The following MFHAS1 variants were observed in gnomAD, a reference collection of about 807,000 sequenced individuals.
The protein encoded by MFHAS1 is malignant fibrous histiocytoma-amplified sequence 1.
MFHAS1 carries 50 observed loss-of-function variants against 70.4 expected under a neutral mutation model. The observed-to-expected ratio is 0.71, with a 90% confidence interval of 0.57 to 0.90. The LOEUF (loss-of-function observed/expected upper bound fraction) is 0.90. Ranked by LOEUF, MFHAS1 falls within the 40% of genes least tolerant of loss-of-function variation. The probability of loss-of-function intolerance (pLI) is 0.00; values close to 1 mark genes in which losing one functional copy is unlikely to be tolerated. For missense variants in MFHAS1, 1,795 were observed against 1,347.6 expected (o/e 1.33, Z -5.20); for synonymous variants, 952 against 620.0 (o/e 1.54, Z -7.96).
Position 8,856,411 on chromosome 8 carries a change from A to G in MFHAS1, c.2998+33650T>C, listed in dbSNP as rs1808441105. On this transcript the variant is annotated intron_variant, in intron 1 of 2. Coordinates refer to ENST00000276282, the MANE Select transcript of MFHAS1 (RefSeq NM_004225.3). ...CAAGATCAAACAAAGTAGGACGCAG[A>G]AAAGAAAAGAAGCAAGGGAGGTAAG... Among the ~76,000 whole-genome samples, 3 of 152,230 alleles carry G rather than the reference A, an allele frequency of 2.0e-5. 1 individual carries two copies. Among genetic ancestry groups the G allele is most frequent in the South Asian group, 4.1e-4 (2 of 4,830 alleles).
In MFHAS1 at chr8:8,890,460, C is replaced by A. The variant is rs754591498; in HGVS notation, c.2599G>T (p.Gly867Trp). The change falls in exon 1 of 3, where the codon GGG (glycine) becomes TGG (tryptophan). Residue 867 changes from glycine (G) to tryptophan (W), a missense_variant. Transcript: ENST00000276282. ...AAAGACTGCCCAGCTAGGTTGGTCCCATTAATCCAGGCTTCTGCATGGGGC... is the reference window on the plus strand; with the variant it reads ...AAAGACTGCCCAGCTAGGTTGGTCCAATTAATCCAGGCTTCTGCATGGGGC... ...EVPHAEAWIN[G>W]TNLAGQSFVA... 3 of 1,613,808 alleles carry A rather than the reference C, an allele frequency of 1.9e-6. No individual in the cohort carries two copies. The Admixed American group carries it at 5.0e-5, about 27-fold the overall frequency.
intron 2 of MFHAS1, among the ~76,000 whole-genome samples, chr8:8,786,547 T>G (rs1422680199): frequency 6.6e-6 from 1 of 152,204 alleles, no homozygotes; most frequent in Non-Finnish European, 1.5e-5. Context: ...TCCACGCAAA[T>G]CTGGAGTCTG....
intron 1 of MFHAS1, among the ~76,000 whole-genome samples, chr8:8,811,782 A>G (rs73519985): frequency 0.033 from 5,049 of 152,298 alleles, 144 homozygotes; most frequent in South Asian, 0.12. Flanking sequence ...CCCCGAATCC[A>G]TAAGTTGGGG....
chr8:8,867,293 C>G (rs1426412037), intron 1 of MFHAS1, among the ~76,000 whole-genome samples: 1 of 152,082 alleles, frequency 6.6e-6, no homozygotes, highest in Non-Finnish European at 1.5e-5. Context: ...ATTTTTATAA[C>G]AAAAGTTAAA....
At chr8:8,836,297 A>G (rs1236935721) in intron 1 of MFHAS1, among the ~76,000 whole-genome samples, 1 of 152,206 alleles carries the variant, frequency 6.6e-6, no homozygotes, top group African/African-American at 2.4e-5. Flanking sequence ...GTCCCTCTCA[A>G]AAAGTCTGCT....
intron 1 of MFHAS1, among the ~76,000 whole-genome samples, chr8:8,802,893 G>A (rs150567431): frequency 6.8e-4 from 104 of 152,336 alleles, no homozygotes; most frequent in African/African-American, 2.5e-3. Context: ...AAGGCAGGTG[G>A]AACATCCTTA....
intron 1 of MFHAS1, among the ~76,000 whole-genome samples, chr8:8,808,901 C>T (rs563822113): frequency 1.3e-5 from 2 of 152,220 alleles, no homozygotes; most frequent in East Asian, 1.9e-4. Context: ...GACTGGTACG[C>T]GTCCATGGGC....
chr8:8,786,173 T>C (rs1371572734), intron 2 of MFHAS1, 118 bp from the exon 3 acceptor site: 1 of 967,228 alleles, frequency 1.0e-6, no homozygotes, highest in African/African-American at 1.6e-5. Flanking sequence ...TTTTCATTTC[T>C]ACTTCCAGGA....
At chr8:8,795,934 A>G (rs75624823) in intron 2 of MFHAS1, among the ~76,000 whole-genome samples, 2 of 152,234 alleles carry the variant, frequency 1.3e-5, no homozygotes, top group East Asian at 3.8e-4. Context: ...AGTTTGCTGC[A>G]TGGATATGAA....
intron 1 of MFHAS1, among the ~76,000 whole-genome samples, chr8:8,831,900 C>T (rs1488051789): frequency 2.6e-5 from 4 of 152,142 alleles, no homozygotes; most frequent in Non-Finnish European, 5.9e-5. Context: ...GTGTGAGCTA[C>T]CGCCCCCAGC....
chr8:8,833,522 AG>A (rs1807487516), intron 1 of MFHAS1, among the ~76,000 whole-genome samples: 1 of 152,146 alleles, frequency 6.6e-6, no homozygotes, highest in African/African-American at 2.4e-5. Flanking sequence ...TCAGCTACTC[AG>A]GAGGCTGAGG....
chr8:8,848,397 G>GA (rs11362070), intron 1 of MFHAS1, among the ~76,000 whole-genome samples: 275 of 131,028 alleles, frequency 2.1e-3, no homozygotes, highest in African/African-American at 6.7e-3. Flanking sequence ...TAAAGAGGAA[G>GA]AAAAAAAAAA....
chr8:8,887,154 T>A (rs1386220049), intron 1 of MFHAS1, among the ~76,000 whole-genome samples: 1 of 151,998 alleles, frequency 6.6e-6, no homozygotes, highest in African/African-American at 2.4e-5. Context: ...CAAAAAAACA[T>A]GAAAAGGCAA....
At position 8,876,124 on chromosome 8, in the gene MFHAS1, A is replaced by G. The variant is rs576727108; in HGVS notation, c.2998+13937T>C. Among the ~76,000 whole-genome samples the G allele has an allele frequency of 9.6e-4, 146 of 152,210 alleles. 1 individual carries two copies. The highest frequency in any genetic ancestry group is 3.4e-3 in the African/African-American group (142 of 41,516). ...TTGTTCTAAGCATTTAACACATATA[A>G]CTCAATCTTCAGAACCAACACAAAC... On this transcript the variant is annotated intron_variant, in intron 1 of 2. Coordinates refer to ENST00000276282, the MANE Select transcript of MFHAS1 (RefSeq NM_004225.3).
Position 8,893,046 on chromosome 8 carries a change from C to G in MFHAS1, c.13G>C (p.Asp5His). The part of the protein sequence containing the change: MAGM[D>H]SGNLKTARLW... ...CTCGCGGTCTTCAGGTTGCCACTGT[C>G]CATCCCAGCCATGGCGGGGCCCCGG... The change falls in exon 1 of 3, where the codon GAC (aspartate) becomes CAC (histidine). Residue 5 changes from aspartate to histidine, a missense_variant. Asp to His is a moderately conservative substitution (Grantham distance 81). Coordinates refer to ENST00000276282, the MANE Select transcript of MFHAS1 (RefSeq NM_004225.3). 3.3e-6 allele frequency: 5 copies of G among 1,505,094 alleles called. No individual in the cohort carries two copies. The highest frequency in any genetic ancestry group is 4.4e-6 in the Non-Finnish European group (5 of 1,133,832). 93.2% of individuals were successfully genotyped at this position (1,505,094 alleles called of 1,614,324 possible).
At chr8:8,841,494 TG>T (rs1807823424) in intron 1 of MFHAS1, among the ~76,000 whole-genome samples, 2 of 152,156 alleles carry the variant, frequency 1.3e-5, no homozygotes. Context: ...TTCTTTTTGT[TG>T]TTTGCTGGGA....
At chr8:8,830,961 T>G (rs1807364370) in intron 1 of MFHAS1, among the ~76,000 whole-genome samples, 1 of 152,296 alleles carries the variant, frequency 6.6e-6, no homozygotes, top group East Asian at 1.9e-4. Flanking sequence ...TCTGCTCAGG[T>G]TGCTATACCA....
chr8:8,865,850 G>T (rs574332946), intron 1 of MFHAS1, among the ~76,000 whole-genome samples: 2 of 152,334 alleles, frequency 1.3e-5, no homozygotes, highest in East Asian at 3.9e-4. Context: ...TGTAAAACAA[G>T]TGGTGTCTAT....
At position 8,890,758 on chromosome 8, in the gene MFHAS1, G is replaced by A; in HGVS notation, c.2301C>T (p.Ser767=). ...TGGGGGTGGACCGCGCCATGGGCGGGGAGCTTTCCCCCTCCGCCTTGCCCT... is the reference window on the plus strand; with the variant it reads ...TGGGGGTGGACCGCGCCATGGGCGGAGAGCTTTCCCCCTCCGCCTTGCCCT... ...SGEGKAEGES[S]PPMARSTPSQ... Residue 767 remains serine, a synonymous_variant, in exon 1 of 3, where the codon TCC becomes TCT. Transcript: ENST00000276282. 6.2e-7 allele frequency: 1 copy of A among 1,613,900 alleles called. No homozygotes were observed. Among genetic ancestry groups the A allele is most frequent in the Non-Finnish European group, 8.5e-7 (1 of 1,179,896 alleles).
Sources: gnomAD v4.1 joint callset for allele counts (sites outside exome capture counted in the v4.1 genomes callset) on GRCh38, gnomAD v4.1.1 for gene constraint, MANE v1.5 for transcripts, NCBI Gene and HGNC (gene_info 2026-07-23, HGNC 2026-07-21) for gene names.